The following TSPAN2 variants were observed in gnomAD, a reference collection of about 807,000 sequenced individuals.
The protein encoded by TSPAN2 is tetraspanin-2.
Under a neutral mutation model 33.3 loss-of-function variants are expected in TSPAN2, and 24 were observed. The observed-to-expected ratio is 0.72, with a 90% confidence interval of 0.52 to 1.01. TSPAN2 has a LOEUF of 1.01. Ranked by LOEUF, TSPAN2 falls within the 50% of genes least tolerant of loss-of-function variation. The pLI, the probability that TSPAN2 is intolerant of heterozygous loss-of-function variation, is 0.00. For synonymous variants in TSPAN2, 114 were observed against 104.5 expected (o/e 1.09, Z -0.56); for missense variants, 278 against 281.3 (o/e 0.99, Z 0.08).
At chr1:115,078,038 T>C (rs1648485730) in intron 1 of TSPAN2, among the ~76,000 whole-genome samples, 1 of 152,234 alleles carries the variant, frequency 6.6e-6, no homozygotes, top group Non-Finnish European at 1.5e-5. Context: ...TGTGCACTGA[T>C]ACCTAAGTGG....
At chr1:115,058,743 C>A (rs1256743073) in intron 5 of TSPAN2, 140 bp downstream of exon 5, 2 of 726,064 alleles carry the variant, frequency 2.8e-6, no homozygotes, top group South Asian at 1.6e-5. Context: ...CAAACTGTGG[C>A]CCTCAAAAGG....
intron 1 of TSPAN2, among the ~76,000 whole-genome samples, chr1:115,087,498 C>A (rs1304815208): frequency 2.0e-5 from 3 of 151,596 alleles, no homozygotes; most frequent in Non-Finnish European, 2.9e-5. Context: ...TGCTTGTAGT[C>A]CCAGCTATTT....
intron 2 of TSPAN2, among the ~76,000 whole-genome samples, chr1:115,063,986 C>CAAA (rs1647838860): frequency 6.6e-6 from 1 of 152,046 alleles, no homozygotes; most frequent in African/African-American, 2.4e-5. Context: ...CCCCCAATCT[C>CAAA]GGCATCACTC....
In TSPAN2 at chr1:115,048,219, A is replaced by G. The variant is rs1355700624; in HGVS notation, c.*2271T>C. 1.3e-5 allele frequency: 2 copies of G among 150,192 alleles called. No homozygotes were observed. Among genetic ancestry groups the G allele is most frequent in the Non-Finnish European group, 3.0e-5 (2 of 67,520 alleles). The allele number at this position is 150,192 out of a possible 1,614,324, so 9.3% of individuals were successfully genotyped here. A position where few individuals can be genotyped will look rare whatever the true frequency, so the allele number is the denominator to read the frequency against. On this transcript the variant is annotated 3_prime_UTR_variant, in exon 8 of 8. Coordinates refer to ENST00000369516, the MANE Select transcript of TSPAN2 (RefSeq NM_005725.6). The stretch of plus-strand genomic sequence containing the variant: ...CATCTGTATATACATACATGTATAT[A>G]TTCAAATTATATACATATAAAGATA...
chr1:115,066,613 T>C (rs1647961056), intron 2 of TSPAN2, among the ~76,000 whole-genome samples: 1 of 152,236 alleles, frequency 6.6e-6, no homozygotes, highest in Non-Finnish European at 1.5e-5. Flanking sequence ...TTTTAGGGAC[T>C]GGACGTGGTC....
chr1:115,075,539 G>A (rs1438263400), intron 1 of TSPAN2, among the ~76,000 whole-genome samples: 1 of 152,172 alleles, frequency 6.6e-6, no homozygotes, highest in African/African-American at 2.4e-5. Context: ...AATGCTCTGT[G>A]TTCACTGGGC....
chr1:115,076,520 T>A (rs1192476435), intron 1 of TSPAN2, among the ~76,000 whole-genome samples: 1 of 151,186 alleles, frequency 6.6e-6, no homozygotes, highest in Non-Finnish European at 1.5e-5. Flanking sequence ...ACCAGGGGAG[T>A]GGACGTGGAG....
intron 1 of TSPAN2, among the ~76,000 whole-genome samples, chr1:115,075,484 A>G (rs1307521028): frequency 6.6e-6 from 1 of 152,192 alleles, no homozygotes; most frequent in Non-Finnish European, 1.5e-5. Flanking sequence ...CAGACCACAC[A>G]GCACTTTGGT....
chr1:115,078,587 C>T (rs769955195), intron 1 of TSPAN2, among the ~76,000 whole-genome samples: 9 of 152,134 alleles, frequency 5.9e-5, no homozygotes, highest in Non-Finnish European at 1.2e-4. Context: ...AGCTTGCTTT[C>T]TGTCTCTCCA....
chr1:115,061,268 C>G (rs572426719), intron 3 of TSPAN2, among the ~76,000 whole-genome samples: 170 of 152,322 alleles, frequency 1.1e-3, no homozygotes, highest in African/African-American at 3.9e-3. Flanking sequence ...ATTAAAACTG[C>G]TGTTTCTGAC....
At chr1:115,086,579 A>G (rs1197730339) in intron 1 of TSPAN2, among the ~76,000 whole-genome samples, 1 of 152,076 alleles carries the variant, frequency 6.6e-6, no homozygotes, top group African/African-American at 2.4e-5. Flanking sequence ...ATCTAACCTC[A>G]CTGGTTAACA....
rs1474077472 is a variant in TSPAN2, at chr1:115,050,300, A to T, written c.*190T>A. ...ATCACACATGAATATGCTCTCAGTC[A>T]TCATAAACAGGCATTCACTCAAGGG... On this transcript the variant is annotated 3_prime_UTR_variant, in exon 8 of 8. Transcript: ENST00000369516. The T allele has an allele frequency of 6.3e-6, 4 of 636,866 alleles. No homozygotes were observed. Among genetic ancestry groups the T allele is most frequent in the Non-Finnish European group, 1.1e-5 (4 of 357,888 alleles). The allele number at this position is 636,866 out of a possible 1,614,324, so 39.5% of individuals were successfully genotyped here.
chr1:115,082,917 CT>C (rs2101048520), intron 1 of TSPAN2, among the ~76,000 whole-genome samples: 1 of 152,350 alleles, frequency 6.6e-6, no homozygotes, highest in Admixed American at 6.5e-5. Flanking sequence ...GCTTTCACAA[CT>C]GTAAAATGGG....
intron 1 of TSPAN2, among the ~76,000 whole-genome samples, chr1:115,082,573 A>T (rs1046943848): frequency 7.9e-5 from 12 of 152,372 alleles, no homozygotes; most frequent in Non-Finnish European, 1.3e-4. Flanking sequence ...TTAACTTTTT[A>T]AACTGTCTCT....
At chr1:115,089,299 A>G (rs2101054124) in intron 1 of TSPAN2, 65 bp downstream of exon 1, 1 of 1,401,340 alleles carries the variant, frequency 7.1e-7, no homozygotes, top group Non-Finnish European at 9.6e-7. Context: ...CAGCTCGGGG[A>G]CCCCGGCCCC....
chr1:115,074,966 A>G (rs1648344997), intron 1 of TSPAN2, among the ~76,000 whole-genome samples: 1 of 152,142 alleles, frequency 6.6e-6, no homozygotes, highest in African/African-American at 2.4e-5. Context: ...TGGCGACTCA[A>G]TGGAAAGACA....
At chr1:115,084,815 AGACACT>A (rs981432744) in intron 1 of TSPAN2, among the ~76,000 whole-genome samples, 69 of 152,334 alleles carry the variant, frequency 4.5e-4, no homozygotes, top group African/African-American at 1.6e-3. Context: ...CAAGCCTGCA[AGACACT>A]GTCTTTCTTA....
rs1015983814 is a variant in TSPAN2, at chr1:115,050,184, C to A, written c.*306G>T. ...CTCTTTGATCTTTTTTTTCTGGGAG[C>A]GAAATAGGTTGTTCTTCTTATATAA... On this transcript the variant is annotated 3_prime_UTR_variant, in exon 8 of 8. Coordinates refer to ENST00000369516, the MANE Select transcript of TSPAN2 (RefSeq NM_005725.6). The A allele has an allele frequency of 1.0e-5, 3 of 286,104 alleles. No homozygotes were observed. The highest frequency in any genetic ancestry group is 2.0e-5 in the Non-Finnish European group (3 of 153,600). 17.7% of individuals were successfully genotyped at this position (286,104 alleles called of 1,614,324 possible).
intron 3 of TSPAN2, among the ~76,000 whole-genome samples, chr1:115,061,693 A>G: frequency 6.6e-6 from 1 of 152,042 alleles, no homozygotes; most frequent in African/African-American, 2.4e-5. Context: ...TTTTTTCAAG[A>G]CAAGGTTTTG....
Sources: allele counts gnomAD v4.1 joint callset (sites outside exome capture counted in the v4.1 genomes callset), GRCh38; gene constraint gnomAD v4.1.1; transcripts MANE v1.5; gene names NCBI Gene and HGNC (gene_info 2026-07-23, HGNC 2026-07-21).